UNC5D: variants seen among roughly 807,000 people sequenced by gnomAD.
The protein encoded by UNC5D is netrin receptor UNC5D.
In UNC5D, 39 loss-of-function variants were observed where a neutral mutation model predicts 105.4. The ratio of observed to expected loss-of-function variants is 0.37; its 90% CI spans 0.29 to 0.48. UNC5D has a LOEUF of 0.48. Among genes scored for constraint, UNC5D ranks in the 20% least tolerant of loss-of-function variants. The probability of loss-of-function intolerance (pLI) is 0.98; values close to 1 mark genes in which losing one functional copy is unlikely to be tolerated. For missense variants in UNC5D, 991 were observed against 1,202.4 expected (o/e 0.82, Z 2.60); for synonymous variants, 452 against 450.4 (o/e 1.00, Z -0.04).
chr8:35,280,506 G>T (rs991323213), intron 1 of UNC5D, among the ~76,000 whole-genome samples: 2 of 152,148 alleles, frequency 1.3e-5, no homozygotes, highest in Non-Finnish European at 2.9e-5. Flanking sequence ...TGTGGGTATT[G>T]TTGTGCTTGT....
At chr8:35,553,373 C>A (rs760751480) in intron 2 of UNC5D, among the ~76,000 whole-genome samples, 1 of 151,054 alleles carries the variant, frequency 6.6e-6, no homozygotes, top group Non-Finnish European at 1.5e-5. Flanking sequence ...AAAAAGAAAG[C>A]CAATAAAAGA....
At chr8:35,680,931 C>T (rs1211827519) in intron 4 of UNC5D, among the ~76,000 whole-genome samples, 1 of 152,194 alleles carries the variant, frequency 6.6e-6, no homozygotes, top group Non-Finnish European at 1.5e-5. Context: ...AGAAATTAAT[C>T]AGAAAGCAGG....
intron 2 of UNC5D, among the ~76,000 whole-genome samples, chr8:35,553,705 C>A (rs1262057058): frequency 6.6e-6 from 1 of 152,064 alleles, no homozygotes; most frequent in Non-Finnish European, 1.5e-5. Flanking sequence ...AGATATTATA[C>A]CCCAAAACAA....
intron 1 of UNC5D, among the ~76,000 whole-genome samples, chr8:35,356,366 C>T (rs1010520331): frequency 6.6e-6 from 1 of 152,150 alleles, no homozygotes; most frequent in Non-Finnish European, 1.5e-5. Context: ...ATTCTACAAT[C>T]CCCGTTGGAT....
intron 1 of UNC5D, among the ~76,000 whole-genome samples, chr8:35,333,643 C>G (rs1318484547): frequency 6.6e-6 from 1 of 152,046 alleles, no homozygotes; most frequent in African/African-American, 2.4e-5. Flanking sequence ...CCACGCCCGG[C>G]TAATTTTTGT....
At chr8:35,329,536 G>A (rs1056605255) in intron 1 of UNC5D, among the ~76,000 whole-genome samples, 1 of 152,004 alleles carries the variant, frequency 6.6e-6, no homozygotes, top group Non-Finnish European at 1.5e-5. Flanking sequence ...AATGCCGAGT[G>A]CTGTTAATTA....
chr8:35,248,794 T>C (rs1803416272), intron 1 of UNC5D, among the ~76,000 whole-genome samples: 1 of 98,096 alleles, frequency 1.0e-5, no homozygotes, highest in African/African-American at 4.2e-5. Flanking sequence ...AAATATAATA[T>C]ATAAAAATAT....
At chr8:35,410,921 G>A (rs1805122609) in intron 1 of UNC5D, among the ~76,000 whole-genome samples, 1 of 152,082 alleles carries the variant, frequency 6.6e-6, no homozygotes, top group South Asian at 2.1e-4. Flanking sequence ...ACGCTATCAT[G>A]AGAAATGTGC....
chr8:35,498,888 T>C (rs973650393), intron 1 of UNC5D, among the ~76,000 whole-genome samples: 2 of 152,104 alleles, frequency 1.3e-5, no homozygotes, highest in Non-Finnish European at 2.9e-5. Flanking sequence ...TTTTTCCCTA[T>C]TAGATCCTGT....
At chr8:35,291,723 T>G (rs558747842) in intron 1 of UNC5D, among the ~76,000 whole-genome samples, 1 of 152,324 alleles carries the variant, frequency 6.6e-6, no homozygotes, top group South Asian at 2.1e-4. Context: ...TAAATTCCAT[T>G]TATTCTGTTC....
intron 1 of UNC5D, among the ~76,000 whole-genome samples, chr8:35,341,602 T>C (rs188928332): frequency 2.6e-5 from 4 of 152,216 alleles, no homozygotes; most frequent in Admixed American, 2.6e-4. Context: ...ATATAACCTT[T>C]ATGCAAGTAC....
chr8:35,412,229 CT>C (rs549745079), intron 1 of UNC5D, among the ~76,000 whole-genome samples: 4 of 152,048 alleles, frequency 2.6e-5, no homozygotes, highest in Non-Finnish European at 5.9e-5. Flanking sequence ...TTTTAGAACC[CT>C]CCATTGGGCA....
chr8:35,642,541 G>A (rs1318563564), intron 4 of UNC5D, among the ~76,000 whole-genome samples: 1 of 152,010 alleles, frequency 6.6e-6, no homozygotes, highest in Non-Finnish European at 1.5e-5. Flanking sequence ...TAAGTAGGGG[G>A]TTAATTTTTT....
intron 1 of UNC5D, among the ~76,000 whole-genome samples, chr8:35,331,048 C>A (rs767689390): frequency 5.9e-4 from 90 of 151,970 alleles, no homozygotes; most frequent in Non-Finnish European, 8.1e-4. Flanking sequence ...CATATTAAGT[C>A]TTGATTTGTT....
At chr8:35,296,792 G>A (rs1256943615) in intron 1 of UNC5D, among the ~76,000 whole-genome samples, 1 of 152,054 alleles carries the variant, frequency 6.6e-6, no homozygotes, top group Non-Finnish European at 1.5e-5. Flanking sequence ...AAATATATTG[G>A]TTGATTACAT....
intron 3 of UNC5D, among the ~76,000 whole-genome samples, chr8:35,584,758 G>T (rs762607945): frequency 1.1e-4 from 16 of 151,934 alleles, no homozygotes; most frequent in Non-Finnish European, 2.2e-4. Flanking sequence ...ACCCTAACTG[G>T]ATCTCTTTAT....
At chr8:35,408,833 C>T (rs1336918910) in intron 1 of UNC5D, among the ~76,000 whole-genome samples, 1 of 151,654 alleles carries the variant, frequency 6.6e-6, no homozygotes, top group Non-Finnish European at 1.5e-5. Context: ...AACAGTAAAG[C>T]ATATAGCTCT....
At chr8:35,326,102 A>C (rs2128890289) in intron 1 of UNC5D, among the ~76,000 whole-genome samples, 1 of 152,292 alleles carries the variant, frequency 6.6e-6, no homozygotes, top group East Asian at 1.9e-4. Context: ...TTTTCTACCA[A>C]ATTCTCTTAA....
intron 1 of UNC5D, among the ~76,000 whole-genome samples, chr8:35,249,018 TATATATGTTTATATA>T (rs1803480015): frequency 9.7e-5 from 4 of 41,324 alleles, no homozygotes; most frequent in African/African-American, 2.3e-4. Context: ...TAATATATAT[TATATATGTTTATATA>T]ATATATATTA....
Sources: allele counts gnomAD v4.1 joint callset (sites outside exome capture counted in the v4.1 genomes callset), GRCh38; gene constraint gnomAD v4.1.1; transcripts MANE v1.5; gene names NCBI Gene and HGNC (gene_info 2026-07-23, HGNC 2026-07-21).